Variants in ACBD3 observed in about 807,000 individuals in gnomAD.
ACBD3 encodes acyl-CoA binding domain containing 3, also known as Golgi resident protein GCP60.
In ACBD3, 30 loss-of-function variants were observed where a neutral mutation model predicts 66.9. That is an observed-to-expected ratio of 0.45 (90% confidence interval 0.34 to 0.61). The LOEUF (loss-of-function observed/expected upper bound fraction) is 0.61. ACBD3 is among the 20% of genes least tolerant of loss of function. ACBD3 has a pLI of 0.02. For synonymous variants in ACBD3, 278 were observed against 259.8 expected (o/e 1.07, Z -0.68); for missense variants, 544 against 664.5 (o/e 0.82, Z 1.99).
chr1:226,157,633 G>A (rs540018818), intron 5 of ACBD3, among the ~76,000 whole-genome samples: 2 of 148,578 alleles, frequency 1.3e-5, no homozygotes, highest in Non-Finnish European at 2.9e-5. Context: ...TCAAACTCCT[G>A]AGCTCGAGTG....
chr1:226,182,992 T>TA (rs1235557178), intron 1 of ACBD3, among the ~76,000 whole-genome samples: 2 of 152,324 alleles, frequency 1.3e-5, no homozygotes, highest in East Asian at 1.9e-4. Flanking sequence ...TTTACTGTCA[T>TA]AAAAAATTAA....
At position 226,154,659 on chromosome 1, in the gene ACBD3, T is replaced by C; in HGVS notation, c.1078A>G (p.Asn360Asp). 6.2e-7 allele frequency: 1 copy of C among 1,610,410 alleles called. No individual in the cohort carries two copies. The highest frequency in any genetic ancestry group is 1.7e-4 in the Middle Eastern group (1 of 5,952). ...EPEAAEEALE[N>D]GPKESLPVIA... is the part of the protein sequence containing the mutation. Reference sequence around the variant, plus strand: ...ATGCAAAACCTACCTTTTGGTCCATTCTCCAGGGCTTCTTCTGCAGCTTCT... The same window carrying C: ...ATGCAAAACCTACCTTTTGGTCCATCCTCCAGGGCTTCTTCTGCAGCTTCT... Residue 360 changes from asparagine (N) to aspartate (D), a missense_variant, in exon 6 of 8, where the codon AAT becomes GAT. By Grantham distance (23) the Asn-to-Asp change is conservative. Around this residue, in one of 3 missense-constraint regions of ACBD3, gnomAD observed 383 missense variants for 462.4 expected, o/e 0.83. Transcript: ENST00000366812.
intron 3 of ACBD3, among the ~76,000 whole-genome samples, chr1:226,162,268 G>GA (rs570558123): frequency 0.11 from 15,619 of 140,944 alleles, 966 homozygotes; most frequent in South Asian, 0.18. Flanking sequence ...CTTGCTTAAT[G>GA]AAAAAAAAAA....
chr1:226,179,243 G>A (rs1029830666), intron 1 of ACBD3, among the ~76,000 whole-genome samples: 2 of 152,202 alleles, frequency 1.3e-5, no homozygotes, highest in Non-Finnish European at 2.9e-5. Context: ...TGCCTGCACA[G>A]AGCAGACACT....
chr1:226,182,970 A>T lies in ACBD3; in HGVS notation c.286+3420T>A, dbSNP rs547504867. ...CTAACTTACATTTACCCACATCTTC[A>T]TCTATTTTACTTTTACTGTCATAAA... On this transcript the variant is annotated intron_variant, in intron 1 of 7. Coordinates refer to ENST00000366812, the MANE Select transcript of ACBD3 (RefSeq NM_022735.4). Among the ~76,000 whole-genome samples, 4 of 152,346 alleles carry T rather than the reference A, an allele frequency of 2.6e-5. No homozygotes were observed. The East Asian group carries it at 7.7e-4, about 29-fold the overall frequency.
chr1:226,147,330 C>T (rs995336725), intron 7 of ACBD3, among the ~76,000 whole-genome samples: 8 of 152,210 alleles, frequency 5.3e-5, no homozygotes, highest in African/African-American at 1.9e-4. Flanking sequence ...GTGCTATACA[C>T]CAAACCCTGT....
chr1:226,178,380 C>T (rs1275169360), intron 1 of ACBD3, among the ~76,000 whole-genome samples: 1 of 151,590 alleles, frequency 6.6e-6, no homozygotes, highest in Admixed American at 6.6e-5. Context: ...ACCATCCTGG[C>T]TAACATGGTA....
chr1:226,148,127 T>C (rs1659494194), intron 7 of ACBD3: 1 of 152,208 alleles, frequency 6.6e-6, no homozygotes, highest in Non-Finnish European at 1.5e-5. Flanking sequence ...TGACTGACTA[T>C]AATGTGGCAT....
chr1:226,170,621 T>A (rs1659976123), intron 1 of ACBD3, among the ~76,000 whole-genome samples: 1 of 151,516 alleles, frequency 6.6e-6, no homozygotes, highest in African/African-American at 2.4e-5. Flanking sequence ...ACACACAAAA[T>A]TTTTTTTTGC....
chr1:226,154,792 A>C lies in ACBD3; in HGVS notation c.945T>G (p.Ser315=). Reference sequence around the variant, plus strand: ...TCACTTTTGATGATGTAGGCAAGGAAGACCCAGCCACTACTACTTCCTGTT... The same window carrying C: ...TCACTTTTGATGATGTAGGCAAGGACGACCCAGCCACTACTACTTCCTGTT... ...QKQQEVVVAG[S]SLPTSSKVNA... is the part of the protein sequence containing the mutation. The change falls in exon 6 of 8, where the codon TCT becomes TCG. Residue 315 remains serine (S), a synonymous_variant. Transcript: ENST00000366812. 4 of 1,612,196 alleles carry C rather than the reference A, an allele frequency of 2.5e-6. No homozygotes were observed. Among genetic ancestry groups the C allele is most frequent in the Non-Finnish European group, 2.5e-6 (3 of 1,179,042 alleles).
chr1:226,149,537 T>TTTTTTTG (rs1659524421), intron 7 of ACBD3, among the ~76,000 whole-genome samples: 1 of 102,128 alleles, frequency 9.8e-6, no homozygotes, highest in Non-Finnish European at 2.0e-5. Context: ...ATCTTTTTTT[T>TTTTTTTG]TTTTTTTTTT....
At chr1:226,171,884 G>A (rs1346221817) in intron 1 of ACBD3, among the ~76,000 whole-genome samples, 3 of 151,556 alleles carry the variant, frequency 2.0e-5, no homozygotes, top group Non-Finnish European at 2.9e-5. Context: ...GGCCACACAC[G>A]GTGGCTCATG....
chr1:226,164,617 TTATAA>T (rs1472427581), intron 3 of ACBD3, among the ~76,000 whole-genome samples, 167 bp downstream of exon 3: 2 of 152,146 alleles, frequency 1.3e-5, no homozygotes, highest in Non-Finnish European at 2.9e-5. Context: ...CCCCCAAAAC[TTATAA>T]TACAAGTACC....
chr1:226,159,400 G>T, intron 4 of ACBD3, 42 bp from the exon 5 acceptor site: 1 of 1,579,442 alleles, frequency 6.3e-7, no homozygotes, highest in Non-Finnish European at 8.7e-7. Flanking sequence ...GGCTACAGGA[G>T]ATTGTTCATG....
chr1:226,162,609 T>C (rs1010116434), intron 3 of ACBD3, among the ~76,000 whole-genome samples: 10 of 152,106 alleles, frequency 6.6e-5, no homozygotes, highest in South Asian at 2.1e-4. Flanking sequence ...GAGAGTGGTA[T>C]GGTGTTCAGG....
intron 1 of ACBD3, among the ~76,000 whole-genome samples, chr1:226,175,212 C>A (rs1656003205): frequency 6.6e-6 from 1 of 151,324 alleles, no homozygotes; most frequent in African/African-American, 2.4e-5. Flanking sequence ...TCAAATAAAT[C>A]AAAAGTGACA....
intron 3 of ACBD3, among the ~76,000 whole-genome samples, 192 bp from the exon 4 acceptor site, chr1:226,161,881 GAAT>G (rs1659781548): frequency 6.6e-6 from 1 of 152,156 alleles, no homozygotes; most frequent in Non-Finnish European, 1.5e-5. Flanking sequence ...ATCACATCAA[GAAT>G]AATTATTGTT....
intron 1 of ACBD3, among the ~76,000 whole-genome samples, chr1:226,169,414 A>AT (rs1302859954): frequency 4.9e-4 from 73 of 148,862 alleles, no homozygotes; most frequent in African/African-American, 1.7e-3. Flanking sequence ...TGCTCGGCTA[A>AT]TTTTTTTTGT....
Position 226,145,755 on chromosome 1 carries a change from T to C in ACBD3, c.*855A>G, listed in dbSNP as rs2102770782. 1 of 152,748 alleles carries C rather than the reference T, an allele frequency of 6.5e-6. No individual in the cohort carries two copies. Among genetic ancestry groups the C allele is most frequent in the African/African-American group, 2.4e-5 (1 of 41,574 alleles). 9.5% of individuals were successfully genotyped at this position (152,748 alleles called of 1,614,324 possible). A position where few individuals can be genotyped will look rare whatever the true frequency, so the allele number is the denominator to read the frequency against. On this transcript the variant is annotated 3_prime_UTR_variant, in exon 8 of 8. Transcript: ENST00000366812. ...AATGATTTTATGTATTTTAATTCAG[T>C]AGGTGCCAATTTGAGTTTATAAAAT... is the stretch of plus-strand genomic sequence containing the variant.
Sources: allele counts gnomAD v4.1 joint callset (sites outside exome capture counted in the v4.1 genomes callset), GRCh38; gene constraint gnomAD v4.1.1; regional missense constraint gnomAD v4.1.1; transcripts MANE v1.5; gene names NCBI Gene and HGNC (gene_info 2026-07-23, HGNC 2026-07-21).